The following HMCN1 variants were observed in gnomAD, a reference collection of about 807,000 sequenced individuals.
The protein encoded by HMCN1 is hemicentin-1.
Under a neutral mutation model 625.9 loss-of-function variants are expected in HMCN1, and 321 were observed. That is an observed-to-expected ratio of 0.51 (90% confidence interval 0.47 to 0.56). The LOEUF (loss-of-function observed/expected upper bound fraction) is 0.56. Ranked by LOEUF, HMCN1 falls within the 20% of genes least tolerant of loss-of-function variation. HMCN1 has a pLI of 0.00. For synonymous variants in HMCN1, 2,425 were observed against 2,417.6 expected (o/e 1.00, Z -0.09); for missense variants, 6,588 against 6,887.3 (o/e 0.96, Z 1.54).
chr1:185,793,836 A>C (rs535940647), intron 1 of HMCN1, among the ~76,000 whole-genome samples: 1 of 152,214 alleles, frequency 6.6e-6, no homozygotes, highest in African/African-American at 2.4e-5. Context: ...CATACCGCTT[A>C]GTTGAGAATA....
intron 6 of HMCN1, among the ~76,000 whole-genome samples, chr1:185,913,625 A>T (rs2102459210): frequency 6.6e-6 from 1 of 152,250 alleles, no homozygotes; most frequent in East Asian, 1.9e-4. Flanking sequence ...CCATTCTTCC[A>T]TGTTAGTAGC....
chr1:185,854,470 C>A (rs942697524), intron 2 of HMCN1, among the ~76,000 whole-genome samples: 2 of 152,062 alleles, frequency 1.3e-5, no homozygotes, highest in African/African-American at 4.8e-5. Flanking sequence ...CAGATGATAC[C>A]TGGGGGACTC....
chr1:185,997,648 A>G, intron 25 of HMCN1, 124 bp downstream of exon 25: 1 of 726,494 alleles, frequency 1.4e-6, no homozygotes, highest in Non-Finnish European at 2.5e-6. Flanking sequence ...TTTGAGCATA[A>G]TAGAAACTAA....
chr1:186,104,429 T>C (rs1660518747), intron 69 of HMCN1, among the ~76,000 whole-genome samples: 1 of 152,224 alleles, frequency 6.6e-6, no homozygotes, highest in South Asian at 2.1e-4. Context: ...ACCATAATCA[T>C]CATTCCTCTG....
At chr1:185,753,367 A>G (rs774491420) in intron 1 of HMCN1, among the ~76,000 whole-genome samples, 1 of 151,980 alleles carries the variant, frequency 6.6e-6, no homozygotes, top group Non-Finnish European at 1.5e-5. Context: ...TTTTCTTATG[A>G]TTAGTCTAGA....
intron 36 of HMCN1, among the ~76,000 whole-genome samples, chr1:186,037,116 G>A (rs1478305859): frequency 6.6e-6 from 1 of 151,326 alleles, no homozygotes; most frequent in African/African-American, 2.4e-5. Flanking sequence ...AGGGTCTGTA[G>A]TGCATTGAGT....
Position 186,076,658 on chromosome 1 carries a change from C to A in HMCN1, c.8485+36C>A, listed in dbSNP as rs775371874. 2.5e-6 allele frequency: 4 copies of A among 1,586,716 alleles called. No homozygotes were observed. In the Admixed American group the frequency reaches 6.7e-5, roughly 26 times the overall value. ...ATACCAACAGGGTGAAAAGCTGACT[C>A]TCTGCCAAATGTGTTTCCTCTCATG... On this transcript the variant is annotated intron_variant, in intron 54 of 106. Coordinates refer to ENST00000271588, the MANE Select transcript of HMCN1 (RefSeq NM_031935.3).
Position 186,037,998 on chromosome 1 carries a change from A to G in HMCN1, c.5814A>G (p.Val1938=). The G allele has an allele frequency of 6.2e-7, 1 of 1,612,972 alleles. No individual in the cohort carries two copies. The change falls in exon 37 of 107, where the codon GTA becomes GTG. Residue 1938 remains valine, a synonymous_variant. Transcript: ENST00000271588. ...LNETVLVSNP[V]QLECKAAGNP... is the part of the protein sequence containing the mutation. Reference sequence around the variant, plus strand: ...AGACTGTGTTGGTGAGCAACCCTGTACAGCTGGAGTGTAAGGCAGCTGGAA... The same window carrying G: ...AGACTGTGTTGGTGAGCAACCCTGTGCAGCTGGAGTGTAAGGCAGCTGGAA...
intron 1 of HMCN1, among the ~76,000 whole-genome samples, chr1:185,808,357 T>C (rs1213091098): frequency 6.6e-6 from 1 of 151,462 alleles, no homozygotes; most frequent in Non-Finnish European, 1.5e-5. Context: ...AAAAAATAAA[T>C]AAATAAAAAA....
At chr1:186,180,937 C>A (rs1418514646) in intron 104 of HMCN1, among the ~76,000 whole-genome samples, 1 of 152,152 alleles carries the variant, frequency 6.6e-6, no homozygotes, top group Non-Finnish European at 1.5e-5. Flanking sequence ...CTGGGACAGA[C>A]AAGTTATAAA....
At chr1:186,083,592 A>T (rs1017388684) in intron 57 of HMCN1, among the ~76,000 whole-genome samples, 2 of 151,806 alleles carry the variant, frequency 1.3e-5, no homozygotes, top group African/African-American at 4.8e-5. Context: ...TTAACTTGGA[A>T]ATGGTGGATA....
chr1:186,076,148 C>G (rs7550425), intron 53 of HMCN1, among the ~76,000 whole-genome samples: 90,964 of 151,772 alleles, frequency 0.6, 28,372 homozygotes, highest in African/African-American at 0.78. Flanking sequence ...GAGAGTGAGC[C>G]CCTTTATTGT....
chr1:186,055,835 A>C (rs144239004), intron 45 of HMCN1, among the ~76,000 whole-genome samples, 161 bp downstream of exon 45: 1 of 152,128 alleles, frequency 6.6e-6, no homozygotes, highest in East Asian at 1.9e-4. Flanking sequence ...TTATCCTTCT[A>C]TGCCTGACCT....
At chr1:186,117,242 G>T in intron 76 of HMCN1, 127 bp downstream of exon 76, 1 of 1,324,174 alleles carries the variant, frequency 7.6e-7, no homozygotes, top group South Asian at 1.2e-5. Context: ...GGGTACACAT[G>T]CAGGTTCGTT....
chr1:186,074,606 A>G, intron 52 of HMCN1, 135 bp from the exon 53 acceptor site: 1 of 749,734 alleles, frequency 1.3e-6, no homozygotes, highest in South Asian at 1.8e-5. Flanking sequence ...TATTTTGATT[A>G]AACTATTGTC....
At chr1:186,057,203 C>A in intron 45 of HMCN1, 31 bp from the exon 46 acceptor site, 1 of 1,580,476 alleles carries the variant, frequency 6.3e-7, no homozygotes, top group Non-Finnish European at 8.7e-7. Flanking sequence ...CTAATATTTC[C>A]ATTCCCTGTT....
intron 41 of HMCN1, among the ~76,000 whole-genome samples, chr1:186,047,938 A>G (rs189833356): frequency 3.3e-5 from 5 of 152,238 alleles, no homozygotes; most frequent in South Asian, 4.1e-4. Flanking sequence ...AACTTCAGTG[A>G]TCATTGAATG....
intron 1 of HMCN1, among the ~76,000 whole-genome samples, chr1:185,764,623 G>T (rs957810831): frequency 1.3e-5 from 2 of 151,970 alleles, no homozygotes; most frequent in Admixed American, 6.6e-5. Context: ...TATACTTACT[G>T]GATCTTTATC....
rs1661188315 is a variant in HMCN1, at chr1:186,117,481, G to A, written c.11706G>A (p.Glu3902=). ...TVQVPPSIAD[E]PTDFLVTKHA... is the part of the protein sequence containing the mutation. ...TAGTTCCACCTTCCATAGCTGATGA[G>A]CCTACAGATTTCCTAGTAACCAAAC... The change falls in exon 77 of 107, where the codon GAG becomes GAA. Residue 3902 remains glutamate, a synonymous_variant. Coordinates refer to ENST00000271588, the MANE Select transcript of HMCN1 (RefSeq NM_031935.3). 2 of 1,613,626 alleles carry A rather than the reference G, an allele frequency of 1.2e-6. No homozygotes were observed. The highest frequency in any genetic ancestry group is 2.7e-5 in the African/African-American group (2 of 74,864).
Sources: allele counts gnomAD v4.1 joint callset (sites outside exome capture counted in the v4.1 genomes callset), GRCh38; gene constraint gnomAD v4.1.1; transcripts MANE v1.5; gene names NCBI Gene and HGNC (gene_info 2026-07-23, HGNC 2026-07-21).